Variants in CSMD3 observed in about 807,000 individuals in gnomAD.
CSMD3 encodes the protein CUB and sushi domain-containing protein 3.
CSMD3 carries 177 observed loss-of-function variants against 435.2 expected under a neutral mutation model. The ratio of observed to expected loss-of-function variants is 0.41; its 90% CI spans 0.36 to 0.46. The LOEUF (loss-of-function observed/expected upper bound fraction) is 0.46. CSMD3 is among the 20% of genes least tolerant of loss of function. The probability of loss-of-function intolerance (pLI) is 0.34; values close to 1 mark genes in which losing one functional copy is unlikely to be tolerated. For synonymous variants in CSMD3, 1,656 were observed against 1,520.5 expected (o/e 1.09, Z -2.07); for missense variants, 4,265 against 4,504.6 (o/e 0.95, Z 1.52).
At chr8:113,150,126 C>T (rs1424499978) in intron 4 of CSMD3, among the ~76,000 whole-genome samples, 1 of 151,904 alleles carries the variant, frequency 6.6e-6, no homozygotes, top group East Asian at 1.9e-4. Flanking sequence ...TCCTCTTTAG[C>T]ATACTCTACA....
At chr8:112,400,560 G>A (rs962867427) in intron 35 of CSMD3, among the ~76,000 whole-genome samples, 15 of 152,096 alleles carry the variant, frequency 9.9e-5, no homozygotes, top group Admixed American at 3.3e-4. Context: ...AGATGGTGTG[G>A]GTTCCTGGGT....
chr8:112,525,214 T>C (rs757618049), intron 27 of CSMD3, among the ~76,000 whole-genome samples: 37 of 151,764 alleles, frequency 2.4e-4, no homozygotes, highest in South Asian at 4.1e-4. Flanking sequence ...TAACTTCTTT[T>C]CAGAATACAT....
chr8:113,038,960 T>C (rs1479716527), intron 5 of CSMD3, among the ~76,000 whole-genome samples: 1 of 152,148 alleles, frequency 6.6e-6, no homozygotes, highest in Non-Finnish European at 1.5e-5. Context: ...GGGGAATGAG[T>C]CTCTGTACCA....
intron 4 of CSMD3, among the ~76,000 whole-genome samples, chr8:113,134,154 A>T (rs781781155): frequency 1.3e-5 from 2 of 152,140 alleles, no homozygotes; most frequent in African/African-American, 4.8e-5. Context: ...ATAAATTCAT[A>T]TGTGATCAAA....
chr8:112,405,213 CCATATATATATATATAT>C (rs1484058304), intron 35 of CSMD3, among the ~76,000 whole-genome samples: 621 of 17,892 alleles, frequency 0.035, 52 homozygotes, highest in African/African-American at 0.13. Flanking sequence ...AAAAAAACCC[CCATATATATATATATAT>C]ATATATATAT....
intron 13 of CSMD3, among the ~76,000 whole-genome samples, chr8:112,798,639 C>T (rs977770257): frequency 6.6e-6 from 1 of 151,800 alleles, no homozygotes; most frequent in African/African-American, 2.4e-5. Flanking sequence ...GCTCTTGAAC[C>T]GCAGCAGAGG....
At chr8:113,214,877 T>A (rs959416426) in intron 3 of CSMD3, among the ~76,000 whole-genome samples, 1 of 151,850 alleles carries the variant, frequency 6.6e-6, no homozygotes, top group Admixed American at 6.6e-5. Flanking sequence ...TCAGGTATTT[T>A]AAAATTAAGA....
intron 59 of CSMD3, among the ~76,000 whole-genome samples, chr8:112,280,178 C>T (rs1818486110): frequency 6.6e-6 from 1 of 152,156 alleles, no homozygotes. Context: ...AACTGCAATA[C>T]AAAAGGCCCT....
At chr8:113,336,434 C>T (rs995787825) in intron 1 of CSMD3, among the ~76,000 whole-genome samples, 1 of 151,882 alleles carries the variant, frequency 6.6e-6, no homozygotes, top group East Asian at 1.9e-4. Context: ...GGTTGGCATC[C>T]AATTTGTTTT....
At chr8:112,886,777 T>A (rs1055045729) in intron 10 of CSMD3, among the ~76,000 whole-genome samples, 2 of 151,582 alleles carry the variant, frequency 1.3e-5, no homozygotes, top group Non-Finnish European at 3.0e-5. Context: ...AGTATTTACA[T>A]ACAAATGGTG....
At chr8:113,093,130 C>T (rs2090058520) in intron 5 of CSMD3, among the ~76,000 whole-genome samples, 2 of 152,050 alleles carry the variant, frequency 1.3e-5, no homozygotes, top group African/African-American at 2.4e-5. Context: ...TCCAAGTTCT[C>T]ATTAAGATCC....
At chr8:113,087,064 G>C (rs1184047872) in intron 5 of CSMD3, among the ~76,000 whole-genome samples, 1 of 152,082 alleles carries the variant, frequency 6.6e-6, no homozygotes, top group East Asian at 1.9e-4. Context: ...ATTCCTAGGA[G>C]TTTATTTTTT....
intron 4 of CSMD3, among the ~76,000 whole-genome samples, chr8:113,149,969 A>C (rs1415865641): frequency 6.6e-6 from 1 of 152,002 alleles, no homozygotes; most frequent in African/African-American, 2.4e-5. Flanking sequence ...ATTATGTGAG[A>C]AAGATTTTTT....
At chr8:112,501,429 G>A (rs1364743212) in intron 30 of CSMD3, among the ~76,000 whole-genome samples, 1 of 150,654 alleles carries the variant, frequency 6.6e-6, no homozygotes, top group Non-Finnish European at 1.5e-5. Flanking sequence ...ATCTCAGTAT[G>A]CAAAATAGGA....
At chr8:113,159,870 T>C (rs2092005566) in intron 4 of CSMD3, among the ~76,000 whole-genome samples, 1 of 151,982 alleles carries the variant, frequency 6.6e-6, no homozygotes, top group Non-Finnish European at 1.5e-5. Context: ...TTGATTGCGT[T>C]ATTATTCCAA....
intron 32 of CSMD3, among the ~76,000 whole-genome samples, chr8:112,440,126 G>T (rs1208311853): frequency 6.6e-6 from 1 of 152,154 alleles, no homozygotes; most frequent in Non-Finnish European, 1.5e-5. Flanking sequence ...AAAATCAAAA[G>T]CAAATTAGTT....
intron 23 of CSMD3, among the ~76,000 whole-genome samples, chr8:112,574,434 C>T (rs774198963): frequency 2.0e-5 from 3 of 151,876 alleles, no homozygotes; most frequent in Non-Finnish European, 2.9e-5. Context: ...CACTCTTTTA[C>T]GTGTAACCTC....
At chr8:112,952,480 A>T (rs1160158511) in intron 8 of CSMD3, among the ~76,000 whole-genome samples, 6 of 151,648 alleles carry the variant, frequency 4.0e-5, no homozygotes, top group Non-Finnish European at 7.4e-5. Context: ...TATTAAAGAG[A>T]TCAATATCTG....
In CSMD3 at chr8:112,582,946, C is replaced by T. The variant is rs1407713195; in HGVS notation, c.3885+4120G>A. 2.0e-5 allele frequency among the ~76,000 whole-genome samples: 3 copies of T among 152,080 alleles called. No individual in the cohort carries two copies. In the East Asian group the frequency reaches 5.8e-4, roughly 30 times the overall value. On this transcript the variant is annotated intron_variant, in intron 23 of 70. Coordinates refer to ENST00000297405, the MANE Select transcript of CSMD3 (RefSeq NM_198123.2). ...TGCTAGTGCCTTAGTCTTGAACTTA[C>T]CAGCCTTCAGAACTTCAAAAAATAA...
Sources: allele counts gnomAD v4.1 joint callset (sites outside exome capture counted in the v4.1 genomes callset), GRCh38; gene constraint gnomAD v4.1.1; transcripts MANE v1.5; gene names NCBI Gene and HGNC (gene_info 2026-07-23, HGNC 2026-07-21).